GALNTL6: variants seen among roughly 807,000 people sequenced by gnomAD.
GALNTL6 encodes polypeptide N-acetylgalactosaminyltransferase-like 6.
GALNTL6 carries 46 observed loss-of-function variants against 73.7 expected under a neutral mutation model. The ratio of observed to expected loss-of-function variants is 0.62; its 90% confidence interval spans 0.49 to 0.80. The LOEUF is 0.80. Ranked by LOEUF, GALNTL6 falls within the 30% of genes least tolerant of loss-of-function variation. GALNTL6 has a pLI of 0.00. For missense variants in GALNTL6, 604 were observed against 755.0 expected (o/e 0.80, Z 2.34); for synonymous variants, 259 against 263.7 (o/e 0.98, Z 0.17).
intron 5 of GALNTL6, among the ~76,000 whole-genome samples, chr4:172,415,564 T>C (rs1403676708): frequency 6.6e-6 from 1 of 152,118 alleles, no homozygotes; most frequent in Non-Finnish European, 1.5e-5. Flanking sequence ...TCACTGAATA[T>C]TCTGTGAGTA....
At chr4:172,604,567 A>T (rs558602014) in intron 5 of GALNTL6, among the ~76,000 whole-genome samples, 1 of 152,356 alleles carries the variant, frequency 6.6e-6, no homozygotes, top group South Asian at 2.1e-4. Context: ...AAAATGTTTT[A>T]TTGAATGATA....
At chr4:172,158,216 A>G (rs955682459) in intron 2 of GALNTL6, among the ~76,000 whole-genome samples, 3 of 152,310 alleles carry the variant, frequency 2.0e-5, no homozygotes, top group Non-Finnish European at 4.4e-5. Context: ...ATATATAACT[A>G]TCAAATATTT....
rs906207469 is a variant in GALNTL6, at chr4:171,858,380, AG to A, written c.138+43663del. On this transcript the variant is annotated intron_variant, in intron 2 of 12. Transcript: ENST00000506823. The stretch of plus-strand genomic sequence containing the variant: ...TCTATTAACAGATTAATTTTTTTGA[AG>A]TAAAAATTTCCAGAAATACTAGGAT... Among the ~76,000 whole-genome samples the A allele has an allele frequency of 4.6e-5, 7 of 152,024 alleles. 1 individual carries two copies. Among genetic ancestry groups the A allele is most frequent in the African/African-American group, 1.7e-4 (7 of 41,360 alleles).
chr4:172,240,545 T>G (rs1737390062), intron 3 of GALNTL6, among the ~76,000 whole-genome samples: 1 of 152,164 alleles, frequency 6.6e-6, no homozygotes, highest in Admixed American at 6.5e-5. Context: ...TTTGTTATTT[T>G]TTATTCATTT....
chr4:172,557,339 G>A (rs949825671), intron 5 of GALNTL6, among the ~76,000 whole-genome samples: 2 of 152,112 alleles, frequency 1.3e-5, no homozygotes, highest in Non-Finnish European at 2.9e-5. Flanking sequence ...GCTGGCAAAT[G>A]TATCTCTTAG....
intron 5 of GALNTL6, among the ~76,000 whole-genome samples, chr4:172,766,316 C>T (rs1184722697): frequency 1.3e-5 from 2 of 152,154 alleles, no homozygotes; most frequent in Non-Finnish European, 2.9e-5. Flanking sequence ...ATAGACAATC[C>T]TCCTGCCCTG....
At chr4:172,173,487 C>T (rs1734898727) in intron 2 of GALNTL6, among the ~76,000 whole-genome samples, 1 of 152,222 alleles carries the variant, frequency 6.6e-6, no homozygotes. Context: ...CACCCCATGG[C>T]CACTCAGCTG....
intron 2 of GALNTL6, among the ~76,000 whole-genome samples, chr4:171,955,209 CA>C (rs1255562598): frequency 2.6e-5 from 4 of 152,014 alleles, no homozygotes; most frequent in African/African-American, 7.2e-5. Context: ...GAAACAAAAA[CA>C]AAAATAAAGC....
At chr4:172,052,506 A>C in intron 2 of GALNTL6, 3 of 1,535,018 alleles carry the variant, frequency 2.0e-6, no homozygotes, top group Non-Finnish European at 2.6e-6. Flanking sequence ...AGTGCAGACC[A>C]CGGAGTGCAT....
chr4:172,648,996 T>G (rs941874606), intron 5 of GALNTL6, among the ~76,000 whole-genome samples: 2 of 152,174 alleles, frequency 1.3e-5, no homozygotes, highest in African/African-American at 4.8e-5. Context: ...AAATCATACC[T>G]TCAAGTTCTA....
chr4:172,949,013 C>T (rs1749309822), intron 9 of GALNTL6, among the ~76,000 whole-genome samples: 1 of 152,136 alleles, frequency 6.6e-6, no homozygotes, highest in Admixed American at 6.5e-5. Context: ...GTTAGTTCCT[C>T]TATGAGTTTT....
At chr4:172,038,066 C>G (rs1402599931) in intron 2 of GALNTL6, among the ~76,000 whole-genome samples, 1 of 151,150 alleles carries the variant, frequency 6.6e-6, no homozygotes, top group African/African-American at 2.4e-5. Flanking sequence ...TGCAGTGAGC[C>G]GAGATCGTGC....
chr4:172,443,144 A>G (rs1731896722), intron 5 of GALNTL6, among the ~76,000 whole-genome samples: 1 of 118,010 alleles, frequency 8.5e-6, no homozygotes, highest in South Asian at 2.4e-4. Flanking sequence ...ATATATATAT[A>G]TATATATATA....
At position 172,357,634 on chromosome 4, in the gene GALNTL6, T is replaced by TATACACACAC. The variant is rs138075846; in HGVS notation, c.553+8946_553+8947insTACACACACA. On this transcript the variant is annotated intron_variant, in intron 5 of 12. Transcript: ENST00000506823. ...ATATATGTATATATATATAGATATATACACACACACACACACACACACACA... is the reference window on the plus strand; with the variant it reads ...ATATATGTATATATATATAGATATATATACACACACACACACACACACACACACACACACA... Among the ~76,000 whole-genome samples the TATACACACAC allele has an allele frequency of 2.0e-3, 295 of 145,834 alleles. 1 individual carries two copies. Among genetic ancestry groups the TATACACACAC allele is most frequent in the African/African-American group, 6.9e-3 (264 of 38,378 alleles).
At chr4:172,002,652 A>G (rs1000117197) in intron 2 of GALNTL6, among the ~76,000 whole-genome samples, 3 of 152,162 alleles carry the variant, frequency 2.0e-5, no homozygotes, top group Non-Finnish European at 4.4e-5. Flanking sequence ...GAAGCTACAC[A>G]GTCTTGGGTT....
At chr4:173,007,469 TTC>T (rs1752352072) in intron 10 of GALNTL6, among the ~76,000 whole-genome samples, 1 of 152,178 alleles carries the variant, frequency 6.6e-6, no homozygotes, top group African/African-American at 2.4e-5. Flanking sequence ...CAGGCTGTGC[TTC>T]TGACACTATC....
In GALNTL6 at chr4:172,848,792, G is replaced by T. The variant is rs146187090; in HGVS notation, c.924-33998G>T. ...GTTACTGGAAATGATAGGGAGTAAG[G>T]GTTCTTCTCCAGCTGCCAGTGGAAA... On this transcript the variant is annotated intron_variant, in intron 7 of 12. Transcript: ENST00000506823. Among the ~76,000 whole-genome samples, 6 of 152,264 alleles carry T rather than the reference G, an allele frequency of 3.9e-5. No homozygotes were observed. In the East Asian group the frequency reaches 5.8e-4, roughly 15 times the overall value.
intron 5 of GALNTL6, among the ~76,000 whole-genome samples, chr4:172,678,564 C>T (rs1379031659): frequency 6.6e-6 from 1 of 152,172 alleles, no homozygotes; most frequent in Non-Finnish European, 1.5e-5. Flanking sequence ...AAGCTGGTCT[C>T]GAGCTCCCAA....
At chr4:172,067,219 T>C (rs1731392432) in intron 2 of GALNTL6, among the ~76,000 whole-genome samples, 1 of 152,088 alleles carries the variant, frequency 6.6e-6, no homozygotes, top group Non-Finnish European at 1.5e-5. Flanking sequence ...ATCAATTTTT[T>C]GCTAGTATAC....
Sources: allele counts gnomAD v4.1 joint callset (sites outside exome capture counted in the v4.1 genomes callset), GRCh38; gene constraint gnomAD v4.1.1; transcripts MANE v1.5; gene names NCBI Gene and HGNC (gene_info 2026-07-23, HGNC 2026-07-21).